CCDC66: variants seen among roughly 807,000 people sequenced by gnomAD.
CCDC66 encodes coiled-coil domain-containing protein 66.
In CCDC66, 133 loss-of-function variants were observed where a neutral mutation model predicts 128.3. The ratio of observed to expected loss-of-function variants is 1.04; its 90% CI spans 0.90 to 1.20. The LOEUF (loss-of-function observed/expected upper bound fraction) is 1.20. CCDC66 is among the 50% of genes most tolerant of loss of function. The probability of loss-of-function intolerance (pLI) is 0.00; values close to 1 mark genes in which losing one functional copy is unlikely to be tolerated. For missense variants in CCDC66, 1,126 were observed against 1,075.5 expected (o/e 1.05, Z -0.66); for synonymous variants, 387 against 357.0 (o/e 1.08, Z -0.95).
chr3:56,621,278 A>ATAGT (rs373951148), intron 17 of CCDC66: 27 of 283,326 alleles, frequency 9.5e-5, no homozygotes, highest in East Asian at 3.2e-4. Context: ...ATTTACCCCC[A>ATAGT]TAGTTATGGA....
chr3:56,615,389 G>GAGCT, intron 12 of CCDC66, 117 bp downstream of exon 12: 1 of 995,524 alleles, frequency 1.0e-6, no homozygotes, highest in Non-Finnish European at 1.4e-6. Flanking sequence ...AGAGTGCAGT[G>GAGCT]GTGCCATCAC....
Position 56,557,179 on chromosome 3 carries a change from G to T in CCDC66, c.-64G>T. On this transcript the variant is annotated 5_prime_UTR_variant, in exon 1 of 18. Coordinates refer to ENST00000394672, the MANE Select transcript of CCDC66 (RefSeq NM_001141947.3). ...CCAATTGGCGTAGCGCTTGCTGAGC[G>T]GCGGCGGCAACCGACGTACACAAGG... The T allele has an allele frequency of 3.9e-6, 6 of 1,548,242 alleles. No homozygotes were observed. The highest frequency in any genetic ancestry group is 5.2e-6 in the Non-Finnish European group (6 of 1,144,372).
chr3:56,607,076 G>T (rs2074180243), intron 10 of CCDC66, among the ~76,000 whole-genome samples: 1 of 152,174 alleles, frequency 6.6e-6, no homozygotes, highest in Non-Finnish European at 1.5e-5. Flanking sequence ...CAGGTAATAT[G>T]ATGCCTCCAG....
At chr3:56,589,547 C>T (rs2070469688) in intron 7 of CCDC66, among the ~76,000 whole-genome samples, 2 of 151,998 alleles carry the variant, frequency 1.3e-5, no homozygotes, top group African/African-American at 4.8e-5. Flanking sequence ...TTAACATTCA[C>T]AAATCAATGA....
chr3:56,558,651 G>T, intron 1 of CCDC66, 195 bp from the exon 2 acceptor site: 2 of 598,076 alleles, frequency 3.3e-6, no homozygotes, highest in Non-Finnish European at 6.0e-6. Context: ...AGAGTTTCAA[G>T]AATTTTCCCC....
chr3:56,585,752 G>T (rs1035368760), intron 7 of CCDC66, among the ~76,000 whole-genome samples: 3 of 151,740 alleles, frequency 2.0e-5, no homozygotes, highest in Non-Finnish European at 4.4e-5. Context: ...TAGACAAGAT[G>T]TTCATTTATA....
intron 2 of CCDC66, 104 bp downstream of exon 2, chr3:56,559,014 G>A: frequency 1.2e-6 from 1 of 816,154 alleles, no homozygotes; most frequent in South Asian, 1.8e-5. Flanking sequence ...ATATTTAAAT[G>A]ATATTTTAGA....
rs576988202 is a variant in CCDC66 at position 56,584,146 on chromosome 3, C to T, written c.937-8824C>T. On this transcript the variant is annotated intron_variant, in intron 7 of 17. Transcript: ENST00000394672. ...CTCCCTCCCGGACGGGGCGGCTGGC[C>T]GGGCGGGGGCGGCCCCCCACCTCCC... Among the ~76,000 whole-genome samples, 284 of 144,880 alleles carry T rather than the reference C, an allele frequency of 2.0e-3. 4 individuals are homozygous for T. Among genetic ancestry groups the T allele is most frequent in the African/African-American group, 6.9e-3 (271 of 39,472 alleles).
intron 3 of CCDC66, chr3:56,560,964 T>C (rs999604914): frequency 2.2e-6 from 1 of 455,614 alleles, no homozygotes; most frequent in African/African-American, 2.0e-5. Context: ...GCAGGTTTAA[T>C]TAAGGTGAAG....
At chr3:56,613,377 T>C (rs2075100787) in intron 10 of CCDC66, among the ~76,000 whole-genome samples, 1 of 152,230 alleles carries the variant, frequency 6.6e-6, no homozygotes. Context: ...CAAGACAGGC[T>C]GCTTTGCTTT....
At chr3:56,566,902 G>A (rs751673226) in intron 5 of CCDC66, 48 bp from the exon 6 acceptor site, 11 of 1,531,348 alleles carry the variant, frequency 7.2e-6, no homozygotes, top group Admixed American at 7.0e-5. Flanking sequence ...AGTCAGTTGT[G>A]TAGAAATGTA....
intron 1 of CCDC66, among the ~76,000 whole-genome samples, chr3:56,558,348 T>TATCA (rs1382252734): frequency 6.6e-6 from 1 of 152,196 alleles, no homozygotes; most frequent in African/African-American, 2.4e-5. Context: ...CCATACTAAA[T>TATCA]ATCACTATGT....
chr3:56,586,543 GAAAA>G (rs969096018), intron 7 of CCDC66, among the ~76,000 whole-genome samples: 29 of 146,202 alleles, frequency 2.0e-4, no homozygotes, highest in African/African-American at 6.7e-4. Context: ...AAAAAAAAAA[GAAAA>G]AAAGAAAACT....
chr3:56,605,553 C>T (rs965456327), intron 10 of CCDC66, among the ~76,000 whole-genome samples: 1 of 152,020 alleles, frequency 6.6e-6, no homozygotes, highest in African/African-American at 2.4e-5. Context: ...CTGGAGTTTG[C>T]TGGAGGTCCA....
intron 13 of CCDC66, chr3:56,616,619 T>C (rs968331596): frequency 6.4e-6 from 1 of 155,572 alleles, no homozygotes; most frequent in African/African-American, 2.4e-5. Flanking sequence ...TGAACATTCA[T>C]ATATAGATTT....
intron 10 of CCDC66, among the ~76,000 whole-genome samples, chr3:56,611,777 A>G (rs938547491): frequency 6.6e-6 from 1 of 151,976 alleles, no homozygotes; most frequent in Non-Finnish European, 1.5e-5. Flanking sequence ...CTACCCATGT[A>G]TTTCACTGGG....
chr3:56,557,231 C>G lies in CCDC66; in HGVS notation c.-12C>G, dbSNP rs1031291418. On this transcript the variant is annotated 5_prime_UTR_variant, in exon 1 of 18. Coordinates refer to ENST00000394672, the MANE Select transcript of CCDC66 (RefSeq NM_001141947.3). ...GCTTGAGCGTTCTGTGGAGAGAGTG[C>G]GAGGTCAGGCCATGAACTTGGGGTA... The G allele has an allele frequency of 8.4e-6, 13 of 1,548,960 alleles. No homozygotes were observed. In the Admixed American group the frequency reaches 2.0e-4, roughly 24 times the overall value.
chr3:56,582,259 G>A (rs2068523318), intron 7 of CCDC66, among the ~76,000 whole-genome samples: 2 of 151,918 alleles, frequency 1.3e-5, no homozygotes, highest in African/African-American at 4.8e-5. Flanking sequence ...TAAGGCCATT[G>A]GAAAAGCGCA....
At chr3:56,599,422 T>A in intron 10 of CCDC66, among the ~76,000 whole-genome samples, 1 of 152,062 alleles carries the variant, frequency 6.6e-6, no homozygotes, top group Non-Finnish European at 1.5e-5. Context: ...CTCTAGTGTT[T>A]GTTATTTCTT....
Sources: gnomAD v4.1 joint callset for allele counts (sites outside exome capture counted in the v4.1 genomes callset) on GRCh38, gnomAD v4.1.1 for gene constraint, MANE v1.5 for transcripts, NCBI Gene and HGNC (gene_info 2026-07-23, HGNC 2026-07-21) for gene names.